The following MYO5A variants were observed in gnomAD, a reference collection of about 807,000 sequenced individuals.
MYO5A encodes myosin VA, also known as unconventional myosin-Va.
Under a neutral mutation model 249.7 loss-of-function variants are expected in MYO5A, and 98 were observed. The ratio of observed to expected loss-of-function variants is 0.39; its 90% CI spans 0.33 to 0.46. The LOEUF is 0.46. Among genes scored for constraint, MYO5A ranks in the 20% least tolerant of loss-of-function variants. The pLI is 0.98. For synonymous variants in MYO5A, 778 were observed against 810.6 expected (o/e 0.96, Z 0.68); for missense variants, 1,696 against 2,308.8 (o/e 0.73, Z 5.44).
intron 1 of MYO5A, among the ~76,000 whole-genome samples, chr15:52,496,239 G>A (rs2077035822): frequency 6.6e-6 from 1 of 152,154 alleles, no homozygotes; most frequent in Non-Finnish European, 1.5e-5. Context: ...TGGAAGCAGG[G>A]CTTAGATGGC....
intron 2 of MYO5A, 138 bp from the exon 3 acceptor site, chr15:52,428,707 C>T: frequency 1.1e-6 from 1 of 890,422 alleles, no homozygotes; most frequent in Non-Finnish European, 1.8e-6. Context: ...CTTCCAATAT[C>T]ACAGAAACTG....
At position 52,359,966 on chromosome 15, in the gene MYO5A, A is replaced by G; in HGVS notation, c.3423+2T>C. The G allele has an allele frequency of 5.0e-6, 8 of 1,591,434 alleles. No individual in the cohort carries two copies. The highest frequency in any genetic ancestry group is 6.9e-6 in the Non-Finnish European group (8 of 1,160,470). On this transcript the variant is annotated splice_donor_variant, in intron 25 of 41. Transcript: ENST00000399233. LOFTEE classifies it high-confidence loss of function. ...TTTCAGTGACAGATGTCTAAACTGT[A>G]CCTCTGTCCTTGATGGAATGTCTTC...
At position 52,376,491 on chromosome 15, in the gene MYO5A, T is replaced by A; in HGVS notation, c.2276A>T (p.Glu759Val). The A allele has an allele frequency of 6.2e-7, 1 of 1,614,202 alleles. No individual in the cohort carries two copies. The highest frequency in any genetic ancestry group is 1.3e-5 in the African/African-American group (1 of 75,056). ...FFRAGQVAYLEKLRADKLRAA... is the reference protein window; with the variant it reads ...FFRAGQVAYLVKLRADKLRAA... ...TCTCAGTTTGTCAGCTCTCAATTTT[T>A]CTAGATAGGCCACTTGACCGGCACG... Residue 759 changes from glutamate (E) to valine (V), a missense_variant, in exon 19 of 42, where the codon GAA becomes GTA. Glu to Val is a moderately radical substitution (Grantham distance 121). Transcript: ENST00000399233.
intron 1 of MYO5A, among the ~76,000 whole-genome samples, chr15:52,455,621 G>A (rs1340077733): frequency 2.0e-5 from 3 of 152,056 alleles, no homozygotes; most frequent in Non-Finnish European, 4.4e-5. Context: ...CCATAATCAA[G>A]TGGGATTCAT....
chr15:52,525,951 T>C lies in MYO5A; in HGVS notation c.27+2829A>G, dbSNP rs191116089. ...TGTTGAGGGAAAGGACTGTATCTTG[T>C]TCATTGTTAAATCCTCTAAACATTA... is the stretch of plus-strand genomic sequence containing the variant. On this transcript the variant is annotated intron_variant, in intron 1 of 41. Transcript: ENST00000399233. Among the ~76,000 whole-genome samples the C allele has an allele frequency of 2.3e-3, 346 of 152,300 alleles. 1 individual carries two copies. The highest frequency in any genetic ancestry group is 8.0e-3 in the African/African-American group (334 of 41,560).
intron 1 of MYO5A, among the ~76,000 whole-genome samples, chr15:52,516,485 A>C (rs547857163): frequency 6.6e-6 from 1 of 152,332 alleles, no homozygotes; most frequent in South Asian, 2.1e-4. Flanking sequence ...TAAGGCTTCA[A>C]CTCAGTTTCC....
chr15:52,504,678 G>T (rs7166982), intron 1 of MYO5A, among the ~76,000 whole-genome samples: 3,248 of 152,212 alleles, frequency 0.021, 101 homozygotes, highest in African/African-American at 0.075. Flanking sequence ...AAGGCGGGTG[G>T]ATCGCGAGGT....
chr15:52,442,404 G>C (rs957233624), intron 1 of MYO5A, among the ~76,000 whole-genome samples: 1 of 152,170 alleles, frequency 6.6e-6, no homozygotes, highest in African/African-American at 2.4e-5. Flanking sequence ...GGTGCATTCT[G>C]GGTAGAGTCG....
intron 4 of MYO5A, among the ~76,000 whole-genome samples, chr15:52,424,445 C>G (rs2075352388): frequency 6.6e-6 from 1 of 152,084 alleles, no homozygotes; most frequent in African/African-American, 2.4e-5. Context: ...CAGAAAGTTG[C>G]TATAAGAATA....
At chr15:52,480,189 G>A (rs2076686929) in intron 1 of MYO5A, among the ~76,000 whole-genome samples, 1 of 152,162 alleles carries the variant, frequency 6.6e-6, no homozygotes, top group African/African-American at 2.4e-5. Flanking sequence ...TTTTTCATAT[G>A]TGAAGGAAGA....
rs2037841652 is a variant in MYO5A at position 52,313,228 on chromosome 15, T to C, written c.*468A>G. 1 of 170,764 alleles carries C rather than the reference T, an allele frequency of 5.9e-6. No individual in the cohort carries two copies. The highest frequency in any genetic ancestry group is 1.5e-4 in the South Asian group (1 of 6,882). 10.6% of individuals were successfully genotyped at this position (170,764 alleles called of 1,614,324 possible). A position where few individuals can be genotyped will look rare whatever the true frequency, so the allele number is the denominator to read the frequency against. ...GTTTAACAATATCAACATAATTGAT[T>C]ACTAAACTGACATGATATGTACTCA... On this transcript the variant is annotated 3_prime_UTR_variant, in exon 42 of 42. Coordinates refer to ENST00000399233, the MANE Select transcript of MYO5A (RefSeq NM_001382347.1).
At chr15:52,375,136 T>C (rs536646382) in intron 20 of MYO5A, among the ~76,000 whole-genome samples, 168 bp downstream of exon 20, 21 of 152,190 alleles carry the variant, frequency 1.4e-4, no homozygotes, top group African/African-American at 5.1e-4. Context: ...CAGAGCGAGA[T>C]CCTATTTCTA....
chr15:52,378,637 A>T (rs561762306), intron 18 of MYO5A, among the ~76,000 whole-genome samples: 76 of 151,914 alleles, frequency 5.0e-4, no homozygotes, highest in African/African-American at 1.7e-3. Flanking sequence ...ATTAACAAAA[A>T]AAAGGCATCA....
chr15:52,405,423 T>C (rs1595612354), intron 8 of MYO5A, 30 bp from the exon 9 acceptor site: 2 of 1,492,604 alleles, frequency 1.3e-6, no homozygotes, highest in Non-Finnish European at 9.3e-7. Flanking sequence ...GAACAAGTGA[T>C]TAATTTCAGA....
At chr15:52,499,853 G>A (rs1350200327) in intron 1 of MYO5A, among the ~76,000 whole-genome samples, 1 of 152,136 alleles carries the variant, frequency 6.6e-6, no homozygotes, top group Non-Finnish European at 1.5e-5. Flanking sequence ...ATTCCCAGAA[G>A]TGAGATTGCT....
At chr15:52,467,195 T>C (rs1055582675) in intron 1 of MYO5A, among the ~76,000 whole-genome samples, 10 of 152,168 alleles carry the variant, frequency 6.6e-5, no homozygotes, top group Non-Finnish European at 1.2e-4. Flanking sequence ...ACAAAAATCC[T>C]TGAAATGTCG....
intron 31 of MYO5A, among the ~76,000 whole-genome samples, chr15:52,342,653 G>A (rs1193594967): frequency 6.6e-6 from 1 of 152,110 alleles, no homozygotes; most frequent in African/African-American, 2.4e-5. Context: ...GGTGGCTGAC[G>A]CCTGTAATCC....
intron 24 of MYO5A, among the ~76,000 whole-genome samples, chr15:52,361,220 ACTGT>A (rs1239562090): frequency 3.3e-5 from 5 of 152,138 alleles, no homozygotes; most frequent in Non-Finnish European, 5.9e-5. Context: ...ACTCAAATTC[ACTGT>A]CTGTTTACAG....
At chr15:52,454,454 C>A (rs1724585) in intron 1 of MYO5A, among the ~76,000 whole-genome samples, 38,328 of 152,004 alleles carry the variant, frequency 0.25, 5,876 homozygotes, top group East Asian at 0.68. Flanking sequence ...ATGGACAGAT[C>A]ACCCAGACAG....
Sources: allele counts gnomAD v4.1 joint callset (sites outside exome capture counted in the v4.1 genomes callset), GRCh38; gene constraint gnomAD v4.1.1; transcripts MANE v1.5; gene names NCBI Gene and HGNC (gene_info 2026-07-23, HGNC 2026-07-21).